TMEM178B: variants seen among roughly 807,000 people sequenced by gnomAD.
The protein encoded by TMEM178B is transmembrane protein 178B.
In TMEM178B, 5 loss-of-function variants were observed where a neutral mutation model predicts 31.0. That is an observed-to-expected ratio of 0.16 (90% CI 0.08 to 0.34). The LOEUF (loss-of-function observed/expected upper bound fraction) is 0.34, where lower values mean the gene tolerates loss of function less well. TMEM178B is among the 10% of genes least tolerant of loss of function. TMEM178B has a pLI of 1.00. For synonymous variants in TMEM178B, 164 were observed against 164.0 expected, an observed-to-expected ratio of 1.00 and a Z score of 0.00; for missense variants, 275 against 400.3, an observed-to-expected ratio of 0.69 and a Z score of 2.67.
intron 2 of TMEM178B, among the ~76,000 whole-genome samples, chr7:141,272,041 C>A (rs1005659394): frequency 1.3e-5 from 2 of 152,174 alleles, no homozygotes; most frequent in Non-Finnish European, 2.9e-5. Flanking sequence ...AGTCCTACCC[C>A]CTCTTTGGAC....
intron 2 of TMEM178B, among the ~76,000 whole-genome samples, chr7:141,327,798 T>G (rs1016091481): frequency 1.3e-5 from 2 of 152,196 alleles, no homozygotes; most frequent in African/African-American, 4.8e-5. Context: ...CAGTTGTGTT[T>G]TTAATAGAAG....
At chr7:141,218,686 C>G (rs892862913) in intron 2 of TMEM178B, among the ~76,000 whole-genome samples, 1 of 152,160 alleles carries the variant, frequency 6.6e-6, no homozygotes, top group African/African-American at 2.4e-5. Context: ...CCCTCTTCCT[C>G]ACCCTCTCCC....
intron 2 of TMEM178B, among the ~76,000 whole-genome samples, chr7:141,258,438 G>A (rs1385719485): frequency 6.6e-6 from 1 of 152,096 alleles, no homozygotes; most frequent in Non-Finnish European, 1.5e-5. Flanking sequence ...GTGGCCTGTG[G>A]GCTGCAGGTT....
chr7:141,436,035 C>A (rs904633916), intron 2 of TMEM178B, among the ~76,000 whole-genome samples: 1 of 152,114 alleles, frequency 6.6e-6, no homozygotes, highest in East Asian at 1.9e-4. Flanking sequence ...CCTCCCTGGC[C>A]GGGGGCTGTC....
chr7:141,155,790 C>T (rs886556162), intron 1 of TMEM178B, among the ~76,000 whole-genome samples: 1 of 152,108 alleles, frequency 6.6e-6, no homozygotes, highest in East Asian at 1.9e-4. Flanking sequence ...AGGGGTCGGG[C>T]GTGGTGGCTC....
At chr7:141,433,023 A>G (rs1801465400) in intron 2 of TMEM178B, among the ~76,000 whole-genome samples, 1 of 152,236 alleles carries the variant, frequency 6.6e-6, no homozygotes, top group Admixed American at 6.5e-5. Flanking sequence ...GCTGGGATCA[A>G]TGCTAAAACT....
chr7:141,312,845 T>C (rs1325048220), intron 2 of TMEM178B, among the ~76,000 whole-genome samples: 2 of 152,230 alleles, frequency 1.3e-5, no homozygotes, highest in African/African-American at 4.8e-5. Flanking sequence ...TTGAGCAGAA[T>C]TGGCTCTTTA....
intron 2 of TMEM178B, among the ~76,000 whole-genome samples, chr7:141,416,931 CAT>C (rs1315231119): frequency 6.6e-6 from 1 of 152,212 alleles, no homozygotes; most frequent in African/African-American, 2.4e-5. Flanking sequence ...TGTTTCCAGT[CAT>C]GTGAGACGCT....
At chr7:141,485,765 C>T in the TMEM178B span, among the ~76,000 whole-genome samples, 2 of 152,186 alleles carry the variant, frequency 1.3e-5, no homozygotes, top group Non-Finnish European at 2.9e-5. Context: ...ACTGGCTGGG[C>T]CTGGAGCTTC....
At chr7:141,462,491 G>A (rs894811554) in intron 3 of TMEM178B, among the ~76,000 whole-genome samples, 3 of 151,938 alleles carry the variant, frequency 2.0e-5, no homozygotes, top group African/African-American at 7.3e-5. Context: ...AGGAGAGCTG[G>A]GAACTGCAGG....
downstream of TMEM178B, among the ~76,000 whole-genome samples, chr7:141,484,751 G>A (rs932972290): frequency 4.6e-5 from 7 of 151,980 alleles, no homozygotes; most frequent in African/African-American, 1.4e-4. This position sits in a 1 kb window ranked among gnomAD's most constrained non-coding sequence, Gnocchi z 4.8. Flanking sequence ...TAGTAGAGAC[G>A]GGATTTCACC....
the TMEM178B span, among the ~76,000 whole-genome samples, chr7:141,498,352 T>G: frequency 6.6e-6 from 1 of 152,222 alleles, no homozygotes; most frequent in Non-Finnish European, 1.5e-5. Flanking sequence ...CAGCTTGAGT[T>G]ATGATCAGGG....
At chr7:141,077,230 C>T (rs579518) in intron 1 of TMEM178B, among the ~76,000 whole-genome samples, 113,755 of 152,160 alleles carry the variant, frequency 0.75, 43,094 homozygotes, top group East Asian at 0.9. Flanking sequence ...CATTAGAAAC[C>T]GCAAAAGAGA....
intron 1 of TMEM178B, among the ~76,000 whole-genome samples, chr7:141,208,195 T>TTAAATAAA (rs34234324): frequency 6.7e-6 from 1 of 149,810 alleles, no homozygotes; most frequent in African/African-American, 2.5e-5. Flanking sequence ...CCAGTCTCTT[T>TTAAATAAA]TAAATAAATA....
chr7:141,322,349 A>C (rs1799114556), intron 2 of TMEM178B, among the ~76,000 whole-genome samples: 1 of 141,822 alleles, frequency 7.1e-6, no homozygotes. Flanking sequence ...CAAAATGGTG[A>C]AACCCCATCT....
intron 1 of TMEM178B, among the ~76,000 whole-genome samples, chr7:141,142,451 A>G (rs1795788288): frequency 6.8e-6 from 1 of 147,182 alleles, no homozygotes; most frequent in Non-Finnish European, 1.5e-5. Flanking sequence ...TCTGTCACCC[A>G]GGCTGGAGTG....
chr7:141,268,921 A>G (rs1798135626), intron 2 of TMEM178B, among the ~76,000 whole-genome samples: 1 of 152,188 alleles, frequency 6.6e-6, no homozygotes, highest in South Asian at 2.1e-4. Flanking sequence ...ACAAAGCTTT[A>G]GCAGAAAATG....
At chr7:141,443,801 GGGA>G (rs1341577696) in intron 3 of TMEM178B, among the ~76,000 whole-genome samples, 4 of 152,130 alleles carry the variant, frequency 2.6e-5, no homozygotes, top group Non-Finnish European at 4.4e-5. Flanking sequence ...TCTTCTGCGT[GGGA>G]GGAGGTCTGT....
intron 2 of TMEM178B, among the ~76,000 whole-genome samples, chr7:141,332,961 A>G (rs1799322224): frequency 6.6e-6 from 1 of 152,174 alleles, no homozygotes; most frequent in Non-Finnish European, 1.5e-5. Context: ...TGCTCACACC[A>G]AGAGCGCTTA....
Sources: allele counts gnomAD v4.1 joint callset (sites outside exome capture counted in the v4.1 genomes callset), GRCh38; gene constraint gnomAD v4.1.1; non-coding constraint Gnocchi (gnomAD v3.1); transcripts MANE v1.5; gene names NCBI Gene and HGNC (gene_info 2026-07-23, HGNC 2026-07-21).